The following PDE12 variants were observed in gnomAD, a reference collection of about 807,000 sequenced individuals.
The protein encoded by PDE12 is phosphodiesterase 12, also known as 2',5'-phosphodiesterase 12.
In PDE12, 26 loss-of-function variants were observed where a neutral mutation model predicts 45.4. The ratio of observed to expected loss-of-function variants is 0.57; its 90% CI spans 0.42 to 0.79. The LOEUF (loss-of-function observed/expected upper bound fraction) is 0.79. Among genes scored for constraint, PDE12 ranks in the 30% least tolerant of loss-of-function variants. The pLI is 0.00. For missense variants in PDE12, 668 were observed against 790.0 expected (o/e 0.85, Z 1.85); for synonymous variants, 283 against 323.9 (o/e 0.87, Z 1.36).
chr3:57,591,284 A>C, the PDE12 span, among the ~76,000 whole-genome samples: 1 of 152,190 alleles, frequency 6.6e-6, no homozygotes, highest in East Asian at 1.9e-4. Context: ...TAGAAAGTGA[A>C]AACAACCTAA....
At chr3:57,637,765 TCA>T in the PDE12 span, among the ~76,000 whole-genome samples, 1 of 77,994 alleles carries the variant, frequency 1.3e-5, no homozygotes, top group African/African-American at 5.2e-5. Flanking sequence ...AAATAAGACT[TCA>T]AAAAAAAAAA....
At chr3:57,633,179 A>T in the PDE12 span, 1 of 1,144,916 alleles carries the variant, frequency 8.7e-7, no homozygotes. Flanking sequence ...CACACAACTT[A>T]AGATATGGTT....
downstream of PDE12, chr3:57,571,493 A>T (rs2069842857): frequency 2.0e-5 from 3 of 152,668 alleles, no homozygotes; most frequent in Admixed American, 2.0e-4. Context: ...ACATCAGCAG[A>T]ACTATCATAT....
rs1473292529 is a variant in PDE12, at chr3:57,563,021, C to T, written c.*3017C>T. On this transcript the variant is annotated 3_prime_UTR_variant, in exon 3 of 3. Coordinates refer to ENST00000311180, the MANE Select transcript of PDE12 (RefSeq NM_177966.7). ...AAGTTCTTACGATGGAAATTGACAT[C>T]TTTTGTATCTCATTCTCCAGCCGTG... 1 of 152,196 alleles carries T rather than the reference C, an allele frequency of 6.6e-6. No individual in the cohort carries two copies. The highest frequency in any genetic ancestry group is 1.5e-5 in the Non-Finnish European group (1 of 68,030). The allele number at this position is 152,196 out of a possible 1,614,324, so 9.4% of individuals were successfully genotyped here.
At chr3:57,620,838 AAAAC>A in the PDE12 span, among the ~76,000 whole-genome samples, 346 of 152,334 alleles carry the variant, frequency 2.3e-3, 1 homozygote, top group Non-Finnish European at 3.7e-3. Flanking sequence ...ACATAAATGG[AAAAC>A]AAACATACAT....
At chr3:57,631,791 C>T in the PDE12 span, among the ~76,000 whole-genome samples, 3 of 144,342 alleles carry the variant, frequency 2.1e-5, no homozygotes, top group African/African-American at 7.7e-5. Flanking sequence ...GGCGCTATCC[C>T]GGCTCACTGC....
At chr3:57,623,842 C>T in the PDE12 span, among the ~76,000 whole-genome samples, 6 of 152,034 alleles carry the variant, frequency 3.9e-5, no homozygotes, top group South Asian at 4.1e-4. Context: ...CCATGAAGTC[C>T]GGCTTTCTAA....
At chr3:57,580,822 A>C in the PDE12 span, among the ~76,000 whole-genome samples, 1 of 149,122 alleles carries the variant, frequency 6.7e-6, no homozygotes, top group East Asian at 2.0e-4. Context: ...TATGTTCCCC[A>C]GGCTGGCCTC....
At chr3:57,646,584 T>C in the PDE12 span, 2 of 1,182,642 alleles carry the variant, frequency 1.7e-6, no homozygotes, top group East Asian at 2.7e-5. Flanking sequence ...TCATTTAGAA[T>C]ATGGTGATGT....
the PDE12 span, among the ~76,000 whole-genome samples, chr3:57,617,973 T>A: frequency 1.3e-5 from 2 of 151,442 alleles, no homozygotes; most frequent in Non-Finnish European, 2.9e-5. Context: ...CAAAATCGAG[T>A]CCTTCGCAAC....
At chr3:57,635,027 ATTAC>A in the PDE12 span, among the ~76,000 whole-genome samples, 2 of 152,212 alleles carry the variant, frequency 1.3e-5, no homozygotes, top group Non-Finnish European at 2.9e-5. Flanking sequence ...AATATCTATC[ATTAC>A]TTAAATTTTT....
the PDE12 span, among the ~76,000 whole-genome samples, chr3:57,598,838 C>T: frequency 6.6e-6 from 1 of 152,118 alleles, no homozygotes; most frequent in East Asian, 1.9e-4. Context: ...GAAGTACCCT[C>T]CTTTGCATTG....
At chr3:57,583,888 T>C in the PDE12 span, 1 of 1,545,484 alleles carries the variant, frequency 6.5e-7, no homozygotes, top group Admixed American at 1.7e-5. Context: ...AAACATACAG[T>C]ATCCCTTACC....
At chr3:57,591,547 A>C in the PDE12 span, among the ~76,000 whole-genome samples, 1 of 151,300 alleles carries the variant, frequency 6.6e-6, no homozygotes, top group Non-Finnish European at 1.5e-5. Context: ...GCTCACTGCA[A>C]CCTCCACCTC....
chr3:57,592,071 A>AT, the PDE12 span, among the ~76,000 whole-genome samples: 1 of 152,116 alleles, frequency 6.6e-6, no homozygotes, highest in African/African-American at 2.4e-5. Context: ...TTATATCTTG[A>AT]TTTTTTTATT....
the PDE12 span, chr3:57,577,293 T>G: frequency 1.3e-6 from 2 of 1,593,048 alleles, no homozygotes; most frequent in Non-Finnish European, 1.7e-6. Context: ...TTGAAAATGA[T>G]GAATTTAAAG....
the PDE12 span, among the ~76,000 whole-genome samples, chr3:57,647,645 C>T: frequency 1.3e-5 from 2 of 152,094 alleles, no homozygotes; most frequent in Admixed American, 1.3e-4. Flanking sequence ...GACCACCTGG[C>T]ATAAGGTGTC....
chr3:57,641,796 A>C, the PDE12 span: 1 of 1,477,394 alleles, frequency 6.8e-7, no homozygotes, highest in Non-Finnish European at 9.4e-7. Context: ...AAAAAGATGA[A>C]TGCTAAATCA....
At chr3:57,578,531 G>A in the PDE12 span, among the ~76,000 whole-genome samples, 1 of 151,954 alleles carries the variant, frequency 6.6e-6, no homozygotes, top group Non-Finnish European at 1.5e-5. Flanking sequence ...TTGCCTAGGA[G>A]CACAGTAGCA....
Sources: allele counts gnomAD v4.1 joint callset (sites outside exome capture counted in the v4.1 genomes callset), GRCh38; gene constraint gnomAD v4.1.1; transcripts MANE v1.5; gene names NCBI Gene and HGNC (gene_info 2026-07-23, HGNC 2026-07-21).